The following EYA2 variants were observed in gnomAD, a reference collection of about 807,000 sequenced individuals.
EYA2 encodes protein phosphatase EYA2.
Under a neutral mutation model 69.2 loss-of-function variants are expected in EYA2, and 31 were observed. The ratio of observed to expected loss-of-function variants is 0.45; its 90% CI spans 0.34 to 0.60. The LOEUF is 0.60. EYA2 is among the 20% of genes least tolerant of loss of function. EYA2 has a pLI of 0.02. For synonymous variants in EYA2, 257 were observed against 279.4 expected, an observed-to-expected ratio of 0.92 and a Z score of 0.80; for missense variants, 622 against 701.2, an observed-to-expected ratio of 0.89 and a Z score of 1.28.
intron 9 of EYA2, among the ~76,000 whole-genome samples, chr20:47,131,605 T>A (rs1296467980): frequency 6.6e-6 from 1 of 151,292 alleles, no homozygotes; most frequent in Non-Finnish European, 1.5e-5. Flanking sequence ...AAAGGGAGGG[T>A]GGTCAAAGTG....
intron 7 of EYA2, among the ~76,000 whole-genome samples, chr20:47,080,444 G>A (rs1314056142): frequency 1.9e-5 from 2 of 105,756 alleles, no homozygotes; most frequent in Non-Finnish European, 3.8e-5. Flanking sequence ...TGAGGGAGGG[G>A]GGAGGGAGGG....
At position 46,942,965 on chromosome 20, in the gene EYA2, C is replaced by T. The variant is rs184383572; in HGVS notation, c.-10-47036C>T. ...ATTTTTAGTAGAGACGGAGTTTCAC[C>T]ATGTTGGCCAGGCTGCTCTCAAACT... On this transcript the variant is annotated intron_variant, in intron 1 of 15. Transcript: ENST00000327619. 2.6e-5 allele frequency among the ~76,000 whole-genome samples: 4 copies of T among 152,256 alleles called. No individual in the cohort carries two copies. The East Asian group carries it at 7.7e-4, about 29-fold the overall frequency.
At chr20:46,908,163 C>T (rs1045315763) in intron 1 of EYA2, among the ~76,000 whole-genome samples, 5 of 152,094 alleles carry the variant, frequency 3.3e-5, no homozygotes, top group East Asian at 3.8e-4. Context: ...CTACTCTGGA[C>T]GTGGGGAATG....
At chr20:46,967,990 T>A (rs1979895456) in intron 1 of EYA2, among the ~76,000 whole-genome samples, 1 of 152,162 alleles carries the variant, frequency 6.6e-6, no homozygotes, top group South Asian at 2.1e-4. Context: ...ACCAAGCCCC[T>A]TGTGATTGGT....
At chr20:47,187,116 C>T (rs989272497) in intron 15 of EYA2, among the ~76,000 whole-genome samples, 2 of 152,054 alleles carry the variant, frequency 1.3e-5, no homozygotes, top group African/African-American at 4.8e-5. Context: ...TGCCTGTAAT[C>T]CCAACACTTT....
intron 1 of EYA2, among the ~76,000 whole-genome samples, chr20:46,921,521 C>T (rs758062573): frequency 6.6e-6 from 1 of 152,204 alleles, no homozygotes; most frequent in Non-Finnish European, 1.5e-5. Context: ...CCTGTGACCT[C>T]CCCATGGGCA....
intron 15 of EYA2, 90 bp from the exon 16 acceptor site, chr20:47,187,963 G>GT: frequency 7.2e-7 from 1 of 1,383,408 alleles, no homozygotes; most frequent in Non-Finnish European, 1.0e-6. Flanking sequence ...ACTTAACTGG[G>GT]TTGACTTCTC....
At chr20:47,025,192 T>G (rs1242582059) in intron 5 of EYA2, among the ~76,000 whole-genome samples, 1 of 152,226 alleles carries the variant, frequency 6.6e-6, no homozygotes, top group Non-Finnish European at 1.5e-5. Context: ...TTATTTACAT[T>G]TTTATTTTTT....
chr20:46,967,651 G>A (rs905473626), intron 1 of EYA2, among the ~76,000 whole-genome samples: 6 of 152,176 alleles, frequency 3.9e-5, no homozygotes, highest in African/African-American at 1.4e-4. Context: ...AGGGATACCA[G>A]GTAAAATGCT....
intron 5 of EYA2, among the ~76,000 whole-genome samples, chr20:47,050,879 C>G (rs113985834): frequency 3.3e-5 from 5 of 152,240 alleles, no homozygotes; most frequent in African/African-American, 7.2e-5. Flanking sequence ...ACCTGAGAAC[C>G]TTGCAGCGTT....
intron 9 of EYA2, among the ~76,000 whole-genome samples, chr20:47,113,334 C>T (rs1307494981): frequency 6.6e-6 from 1 of 152,182 alleles, no homozygotes; most frequent in African/African-American, 2.4e-5. Flanking sequence ...TTAGGCCTTA[C>T]AGCTGCTGTT....
intron 5 of EYA2, among the ~76,000 whole-genome samples, chr20:47,036,578 G>A (rs887319502): frequency 3.3e-5 from 5 of 152,170 alleles, no homozygotes; most frequent in African/African-American, 9.7e-5. Context: ...CACTTGCTTC[G>A]TAATATTGGA....
At chr20:47,060,851 CTTTT>C (rs35809050) in intron 5 of EYA2, among the ~76,000 whole-genome samples, 20 of 125,650 alleles carry the variant, frequency 1.6e-4, no homozygotes, top group Admixed American at 2.4e-4. Context: ...CTCTCTCTCT[CTTTT>C]TTTTTTTTTT....
intron 5 of EYA2, among the ~76,000 whole-genome samples, chr20:47,040,484 T>A (rs6124929): frequency 0.12 from 17,929 of 152,130 alleles, 1,325 homozygotes; most frequent in South Asian, 0.18. Context: ...AAAGCCAAAC[T>A]GAGGACTAGT....
At chr20:46,988,430 T>G (rs1245018853) in intron 1 of EYA2, among the ~76,000 whole-genome samples, 1 of 152,150 alleles carries the variant, frequency 6.6e-6, no homozygotes, top group Non-Finnish European at 1.5e-5. Flanking sequence ...CACACTGGGA[T>G]GTGAATTTGC....
chr20:47,122,923 T>G (rs1388238906), intron 9 of EYA2, among the ~76,000 whole-genome samples: 1 of 152,184 alleles, frequency 6.6e-6, no homozygotes, highest in Non-Finnish European at 1.5e-5. Context: ...TCACCACCCC[T>G]GGTCTCAAGA....
chr20:47,063,392 C>CGTGTGTGTGTGTGTGTGTGTGTGT (rs35187186), intron 5 of EYA2, among the ~76,000 whole-genome samples: 1 of 143,372 alleles, frequency 7.0e-6, no homozygotes, highest in East Asian at 2.1e-4. Flanking sequence ...TGTGCGTGTG[C>CGTGTGTGTGTGTGTGTGTGTGTGT]GTGTGTGTGT....
At chr20:47,123,718 C>T (rs1382055965) in intron 9 of EYA2, among the ~76,000 whole-genome samples, 2 of 152,166 alleles carry the variant, frequency 1.3e-5, no homozygotes, top group South Asian at 2.1e-4. Context: ...GGGCTGGGTA[C>T]GGTGGCTCAC....
chr20:47,006,078 A>G (rs1431889104), intron 4 of EYA2, among the ~76,000 whole-genome samples: 1 of 152,232 alleles, frequency 6.6e-6, no homozygotes, highest in Non-Finnish European at 1.5e-5. Flanking sequence ...CCTCAGGCTC[A>G]GGCAGGCTCT....
Sources: gnomAD v4.1 joint callset for allele counts (sites outside exome capture counted in the v4.1 genomes callset) on GRCh38, gnomAD v4.1.1 for gene constraint, MANE v1.5 for transcripts, NCBI Gene and HGNC (gene_info 2026-07-23, HGNC 2026-07-21) for gene names.